WWOX: variants seen among roughly 807,000 people sequenced by gnomAD.
The protein encoded by WWOX is WW domain containing oxidoreductase, also known as WW domain-containing oxidoreductase.
In WWOX, 69 loss-of-function variants were observed where a neutral mutation model predicts 46.2. The observed-to-expected ratio is 1.49, with a 90% confidence interval of 1.23 to 1.82. The LOEUF is 1.82. WWOX is among the 40% of genes most tolerant of loss of function. The pLI is 0.00. For missense variants in WWOX, 919 were observed against 542.6 expected (o/e 1.69, Z -6.89); for synonymous variants, 359 against 202.6 (o/e 1.77, Z -6.56).
intron 8 of WWOX, among the ~76,000 whole-genome samples, chr16:78,731,295 G>A (rs552224664): frequency 6.6e-6 from 1 of 152,140 alleles, no homozygotes; most frequent in Non-Finnish European, 1.5e-5. Context: ...ACAGAGGCAC[G>A]CTCACATGAA....
intron 8 of WWOX, among the ~76,000 whole-genome samples, chr16:78,677,188 G>C (rs943433946): frequency 1.3e-5 from 2 of 152,054 alleles, no homozygotes; most frequent in Non-Finnish European, 2.9e-5. Context: ...GCATGAGGGG[G>C]TCCCAGGCAA....
intron 5 of WWOX, among the ~76,000 whole-genome samples, chr16:78,248,136 C>T (rs879365861): frequency 3.3e-5 from 5 of 152,134 alleles, no homozygotes; most frequent in East Asian, 1.9e-4. Context: ...ATTTAAAAGA[C>T]ACCTTTAATT....
At chr16:78,844,608 C>G (rs893166821) in intron 8 of WWOX, among the ~76,000 whole-genome samples, 8 of 152,086 alleles carry the variant, frequency 5.3e-5, no homozygotes, top group African/African-American at 9.7e-5. Context: ...CCGCAGAATT[C>G]TGGCAGGGTT....
At chr16:78,312,451 C>G (rs975671935) in intron 5 of WWOX, among the ~76,000 whole-genome samples, 2 of 146,054 alleles carry the variant, frequency 1.4e-5, no homozygotes, top group African/African-American at 5.1e-5. Context: ...GATTTCTGCT[C>G]ACTGCAACCT....
At chr16:78,265,407 G>A (rs750600725) in intron 5 of WWOX, among the ~76,000 whole-genome samples, 27 of 152,270 alleles carry the variant, frequency 1.8e-4, no homozygotes, top group Non-Finnish European at 3.1e-4. Flanking sequence ...ACGGGCAGGC[G>A]TGGTGGCACA....
chr16:78,641,472 A>C (rs1342603720), intron 8 of WWOX, among the ~76,000 whole-genome samples: 3 of 152,078 alleles, frequency 2.0e-5, no homozygotes, highest in African/African-American at 7.2e-5. Context: ...CTCCCCACCC[A>C]ATCCCCTCTC....
chr16:78,557,265 T>G (rs1476559924), intron 8 of WWOX, among the ~76,000 whole-genome samples: 1 of 152,158 alleles, frequency 6.6e-6, no homozygotes, highest in Non-Finnish European at 1.5e-5. Context: ...TCTACCTATC[T>G]ATGATCACAT....
chr16:78,795,741 G>T (rs377442318), intron 8 of WWOX, among the ~76,000 whole-genome samples: 1 of 152,016 alleles, frequency 6.6e-6, no homozygotes, highest in Non-Finnish European at 1.5e-5. Flanking sequence ...CTCAACCTCA[G>T]GTTTTTCATC....
chr16:79,200,483 A>C (rs1272613954), intron 8 of WWOX, among the ~76,000 whole-genome samples: 1 of 152,122 alleles, frequency 6.6e-6, no homozygotes, highest in Non-Finnish European at 1.5e-5. Context: ...CTTGGCCGTG[A>C]GTTACTTCAC....
chr16:78,657,251 C>A (rs1376068951), intron 8 of WWOX, among the ~76,000 whole-genome samples: 1 of 152,026 alleles, frequency 6.6e-6, no homozygotes, highest in Non-Finnish European at 1.5e-5. Flanking sequence ...GCCACCCTTG[C>A]CTGGGGTGAG....
chr16:78,618,618 A>T lies in WWOX; in HGVS notation c.1056+185866A>T, dbSNP rs572265494. Among the ~76,000 whole-genome samples the T allele has an allele frequency of 3.3e-5, 5 of 152,236 alleles. 1 individual carries two copies. The highest frequency in any genetic ancestry group is 1.3e-4 in the Admixed American group (2 of 15,292). On this transcript the variant is annotated intron_variant, in intron 8 of 8. Coordinates refer to ENST00000566780, the MANE Select transcript of WWOX (RefSeq NM_016373.4). The stretch of plus-strand genomic sequence containing the variant: ...GTACTGGGGGTTTGGGCTTCCACAT[A>T]CAAAGTCTGGGACACAGTACGCTCT...
At chr16:78,486,585 G>A (rs2738698) in intron 8 of WWOX, among the ~76,000 whole-genome samples, 1 of 151,132 alleles carries the variant, frequency 6.6e-6, no homozygotes, top group Admixed American at 6.6e-5. Context: ...GTTTTGTTTT[G>A]TTTTGTTTTG....
intron 8 of WWOX, among the ~76,000 whole-genome samples, chr16:78,580,315 G>C (rs1208452880): frequency 6.6e-6 from 1 of 152,048 alleles, no homozygotes; most frequent in Non-Finnish European, 1.5e-5. Context: ...GTACAGTATT[G>C]CACCTTCCTC....
chr16:79,003,417 T>C (rs989091532), intron 8 of WWOX, among the ~76,000 whole-genome samples: 2 of 152,212 alleles, frequency 1.3e-5, no homozygotes, highest in Non-Finnish European at 2.9e-5. Flanking sequence ...CCTCTTCCGC[T>C]TATCTATTGC....
At chr16:78,910,276 A>T in intron 8 of WWOX, among the ~76,000 whole-genome samples, 1 of 152,254 alleles carries the variant, frequency 6.6e-6, no homozygotes, top group East Asian at 1.9e-4. Flanking sequence ...TCCTGACATC[A>T]TGATCATGGA....
chr16:78,369,583 T>G (rs1358748321), intron 5 of WWOX, among the ~76,000 whole-genome samples: 1 of 152,072 alleles, frequency 6.6e-6, no homozygotes, highest in East Asian at 1.9e-4. Context: ...GGGGCTGGAC[T>G]GATTTCTCAT....
chr16:79,038,088 G>T (rs992911273), intron 8 of WWOX, among the ~76,000 whole-genome samples: 1 of 152,200 alleles, frequency 6.6e-6, no homozygotes, highest in African/African-American at 2.4e-5. Flanking sequence ...AATTAATTCA[G>T]ATGAGCAGTT....
chr16:78,984,516 A>G (rs996352794), intron 8 of WWOX, among the ~76,000 whole-genome samples: 3 of 152,196 alleles, frequency 2.0e-5, no homozygotes, highest in African/African-American at 7.2e-5. Context: ...ATTTACAAAA[A>G]CAGGCAGCAG....
At chr16:79,009,089 G>T (rs532125383) in intron 8 of WWOX, among the ~76,000 whole-genome samples, 17 of 152,286 alleles carry the variant, frequency 1.1e-4, no homozygotes, top group African/African-American at 4.1e-4. Context: ...CTGGCAGAGG[G>T]GGCAGAGGTG....
Sources: allele counts gnomAD v4.1 joint callset (sites outside exome capture counted in the v4.1 genomes callset), GRCh38; gene constraint gnomAD v4.1.1; transcripts MANE v1.5; gene names NCBI Gene and HGNC (gene_info 2026-07-23, HGNC 2026-07-21).